CHD7: variants seen among roughly 807,000 people sequenced by gnomAD.
The protein encoded by CHD7 is ATP-dependent chromatin remodeler CHD7.
CHD7 carries 24 observed loss-of-function variants against 307.3 expected under a neutral mutation model. The ratio of observed to expected loss-of-function variants is 0.08; its 90% CI spans 0.06 to 0.11. CHD7 has a LOEUF of 0.11. CHD7 is among the 10% of genes least tolerant of loss of function. The pLI, the probability that CHD7 is intolerant of heterozygous loss-of-function variation, is 1.00. For synonymous variants in CHD7, 1,363 were observed against 1,349.9 expected, an observed-to-expected ratio of 1.01 and a Z score of -0.21; for missense variants, 3,106 against 3,727.1, an observed-to-expected ratio of 0.83 and a Z score of 4.34.
At chr8:60,705,280 C>T (rs999232946) in intron 1 of CHD7, among the ~76,000 whole-genome samples, 3 of 152,064 alleles carry the variant, frequency 2.0e-5, no homozygotes, top group Admixed American at 2.0e-4. Context: ...TTAGGAACTC[C>T]CACAGTTAGC....
rs770379195 is a variant in CHD7, at chr8:60,852,130, G to C, written c.5777G>C (p.Arg1926Thr). 1 of 1,614,002 alleles carries C rather than the reference G, an allele frequency of 6.2e-7. No homozygotes were observed. Among genetic ancestry groups the C allele is most frequent in the Admixed American group, 1.7e-5 (1 of 60,030 alleles). ...ACTGCCTATCAGCGCAGCTATAAAA[G>C]GCAACAGATGAGGCAAGAGGCCCTA... ...LITAYQRSYK[R>T]QQMRQEALMK... The change falls in exon 29 of 38, where the codon AGG becomes ACG. Residue 1926 changes from arginine to threonine, a missense_variant. Arg to Thr is a moderately conservative substitution (Grantham distance 71, BLOSUM62 -1). Around this residue, in one of 10 missense-constraint regions of CHD7, gnomAD observed 1,030 missense variants for 1,165.4 expected, o/e 0.88. Transcript: ENST00000423902.
At chr8:60,706,668 A>G (rs1807036240) in intron 1 of CHD7, among the ~76,000 whole-genome samples, 1 of 152,158 alleles carries the variant, frequency 6.6e-6, no homozygotes, top group African/African-American at 2.4e-5. Flanking sequence ...AAACTATAGT[A>G]ATTTATGATT....
At position 60,850,475 on chromosome 8, in the gene CHD7, C is replaced by T. The variant is rs199981784; in HGVS notation, c.5405-18C>T. 53 of 1,593,066 alleles carry T rather than the reference C, an allele frequency of 3.3e-5. 1 individual carries two copies. The highest frequency in any genetic ancestry group is 1.7e-4 in the African/African-American group (13 of 74,702). ...TTTGTTTCTGTGTGTTTTCTGTGCA[C>T]GGATGGGCACGGCACAGGCTATGAG... On this transcript the variant is annotated intron_variant, in intron 25 of 37. Transcript: ENST00000423902.
chr8:60,711,943 T>G (rs1807301001), intron 1 of CHD7, among the ~76,000 whole-genome samples: 1 of 152,240 alleles, frequency 6.6e-6, no homozygotes, highest in African/African-American at 2.4e-5. Flanking sequence ...GCTGGTTGAT[T>G]ATAGAGAGCC....
At chr8:60,753,111 C>G (rs1198385681) in intron 2 of CHD7, among the ~76,000 whole-genome samples, 1 of 152,188 alleles carries the variant, frequency 6.6e-6, no homozygotes, top group Non-Finnish European at 1.5e-5. Context: ...GAAGACATCC[C>G]TTGGATTAAA....
intron 23 of CHD7, among the ~76,000 whole-genome samples, chr8:60,845,892 CTGGCA>C (rs2150795375): frequency 6.6e-6 from 1 of 152,328 alleles, no homozygotes; most frequent in South Asian, 2.1e-4. Context: ...TGCCTGGCCC[CTGGCA>C]ATCACCATTC....
chr8:60,841,327 A>G (rs1804962943), intron 19 of CHD7, among the ~76,000 whole-genome samples: 1 of 152,198 alleles, frequency 6.6e-6, no homozygotes. Flanking sequence ...CATTTTATGG[A>G]AGAGACTTTT....
At chr8:60,725,142 T>G (rs1653299414) in intron 1 of CHD7, among the ~76,000 whole-genome samples, 1 of 152,244 alleles carries the variant, frequency 6.6e-6, no homozygotes, top group Non-Finnish European at 1.5e-5. Flanking sequence ...CCAGGGCCTC[T>G]CAGAGCCACA....
chr8:60,844,392 C>T (rs1279461810), intron 21 of CHD7, among the ~76,000 whole-genome samples: 1 of 152,214 alleles, frequency 6.6e-6, no homozygotes, highest in Admixed American at 6.5e-5. Context: ...GTGACTGTGG[C>T]ATCCCCTTAG....
chr8:60,711,882 A>G (rs745897178), intron 1 of CHD7, among the ~76,000 whole-genome samples: 1 of 152,210 alleles, frequency 6.6e-6, no homozygotes, highest in Non-Finnish European at 1.5e-5. Context: ...TACCCATTCA[A>G]CCTTAACAGA....
chr8:60,851,060 C>T lies in CHD7; in HGVS notation c.5563C>T (p.Pro1855Ser), dbSNP rs563402803. The T allele has an allele frequency of 1.9e-6, 3 of 1,574,490 alleles. No homozygotes were observed. In the South Asian group the frequency reaches 3.5e-5, roughly 18 times the overall value. ...GGEFDREDED[P>S]EYKPTRTPFK... ...AGAATTTGATAGAGAAGATGAAGACCCAGAATATAAACCAACCAGAACACC... is the reference window on the plus strand; with the variant it reads ...AGAATTTGATAGAGAAGATGAAGACTCAGAATATAAACCAACCAGAACACC... The change falls in exon 27 of 38, where the codon CCA (proline) becomes TCA (serine). Residue 1855 changes from proline (P) to serine (S), a missense_variant. This residue lies in a region of CHD7 where 1,030 missense variants were observed against 1,165.4 expected (regional missense o/e 0.88). Coordinates refer to ENST00000423902, the MANE Select transcript of CHD7 (RefSeq NM_017780.4).
intron 34 of CHD7, 77 bp downstream of exon 34, chr8:60,856,965 C>G: frequency 7.7e-7 from 1 of 1,299,274 alleles, no homozygotes; most frequent in Non-Finnish European, 1.1e-6. Flanking sequence ...CGATGCTGGG[C>G]TGTGTTTCTC....
intron 1 of CHD7, among the ~76,000 whole-genome samples, chr8:60,697,379 T>A (rs1316925516): frequency 6.6e-6 from 1 of 152,236 alleles, no homozygotes; most frequent in East Asian, 1.9e-4. Flanking sequence ...AAAGTTTTTG[T>A]CTCCTTGACA....
chr8:60,844,525 A>G (rs1805116883), intron 21 of CHD7, among the ~76,000 whole-genome samples: 1 of 152,140 alleles, frequency 6.6e-6, no homozygotes, highest in South Asian at 2.1e-4. Context: ...ACTAATCATG[A>G]CAGTGTGAAG....
intron 1 of CHD7, among the ~76,000 whole-genome samples, chr8:60,702,300 T>G (rs1400645899): frequency 6.6e-6 from 1 of 152,216 alleles, no homozygotes; most frequent in Non-Finnish European, 1.5e-5. Context: ...CTAAATGTGG[T>G]GGGTATATAA....
intron 15 of CHD7, among the ~76,000 whole-genome samples, chr8:60,833,653 A>T (rs1329521677): frequency 1.3e-5 from 2 of 152,214 alleles, no homozygotes; most frequent in Admixed American, 1.3e-4. Context: ...GTGAATGCAC[A>T]CTTGTTTCAA....
chr8:60,808,161 T>G (rs1812626506), intron 6 of CHD7, 56 bp from the exon 7 acceptor site: 1 of 1,214,058 alleles, frequency 8.2e-7, no homozygotes, highest in Non-Finnish European at 1.2e-6. Flanking sequence ...TCATTACTTT[T>G]AAAATATTCT....
intron 2 of CHD7, among the ~76,000 whole-genome samples, chr8:60,745,942 T>G (rs540388167): frequency 3.9e-5 from 6 of 152,258 alleles, no homozygotes; most frequent in Non-Finnish European, 8.8e-5. Flanking sequence ...TATATGTTAA[T>G]TCTCCTCTAA....
chr8:60,722,733 A>G (rs1216501873), intron 1 of CHD7, among the ~76,000 whole-genome samples: 1 of 152,230 alleles, frequency 6.6e-6, no homozygotes, highest in Non-Finnish European at 1.5e-5. Flanking sequence ...GGTTTGAGAA[A>G]ACAGCTAGAT....
Sources: gnomAD v4.1 joint callset for allele counts (sites outside exome capture counted in the v4.1 genomes callset) on GRCh38, gnomAD v4.1.1 for gene constraint, gnomAD v4.1.1 regional missense constraint, MANE v1.5 for transcripts, NCBI Gene and HGNC (gene_info 2026-07-23, HGNC 2026-07-21) for gene names.